The following SOX5 variants were observed in gnomAD, a reference collection of about 807,000 sequenced individuals.
The protein encoded by SOX5 is SRY-box transcription factor 5.
A neutral mutation model predicts 92.0 loss-of-function variants in SOX5; 9 were observed. The observed-to-expected ratio is 0.10, with a 90% CI of 0.06 to 0.17. The LOEUF (loss-of-function observed/expected upper bound fraction) is 0.17. SOX5 is among the 10% of genes least tolerant of loss of function. SOX5 has a pLI of 1.00. For synonymous variants in SOX5, 344 were observed against 336.3 expected, an observed-to-expected ratio of 1.02 and a Z score of -0.25; for missense variants, 642 against 944.5, an observed-to-expected ratio of 0.68 and a Z score of 4.20.
Position 24,440,905 on chromosome 12 carries a change from T to C in SOX5, c.-250-72266A>G, listed in dbSNP as rs147556344. Among the ~76,000 whole-genome samples the C allele has an allele frequency of 3.6e-3, 552 of 152,294 alleles. 1 individual carries two copies. Among genetic ancestry groups the C allele is most frequent in the South Asian group, 8.1e-3 (39 of 4,826 alleles). On this transcript the variant is annotated intron_variant, in intron 1 of 4. Coordinates refer to the SOX5 transcript ENST00000446891. ...AGTAAGCCGAATATAACATGGGATA[T>C]AGGGAAATTATTGGATATCCTGGTG...
chr12:24,323,130 G>A (rs1421309290), intron 2 of SOX5, among the ~76,000 whole-genome samples: 4 of 151,850 alleles, frequency 2.6e-5, no homozygotes, highest in Admixed American at 6.6e-5. Flanking sequence ...TGCACATTTA[G>A]AACCTATGGA....
At chr12:23,662,619 C>G (rs1203120124) in intron 7 of SOX5, among the ~76,000 whole-genome samples, 2 of 152,136 alleles carry the variant, frequency 1.3e-5, no homozygotes, top group Non-Finnish European at 2.9e-5. Flanking sequence ...ATCTTTATGT[C>G]CAACTAAAAG....
At chr12:23,858,732 C>T (rs1320227379) in intron 2 of SOX5, among the ~76,000 whole-genome samples, 1 of 152,140 alleles carries the variant, frequency 6.6e-6, no homozygotes, top group Non-Finnish European at 1.5e-5. Context: ...TCTACAGAAA[C>T]CTGCATGTGA....
At chr12:24,172,872 G>A (rs1954359514) in intron 4 of SOX5, among the ~76,000 whole-genome samples, 1 of 152,162 alleles carries the variant, frequency 6.6e-6, no homozygotes. Flanking sequence ...ATTCCCCAGG[G>A]ACAAGGATGC....
In SOX5 at chr12:23,931,265, T is replaced by C. The variant is rs1387558012; in HGVS notation, c.38+18299A>G. Among the ~76,000 whole-genome samples the C allele has an allele frequency of 2.6e-5, 4 of 151,802 alleles. No individual in the cohort carries two copies. The Admixed American group carries it at 2.6e-4, about 10-fold the overall frequency. The stretch of plus-strand genomic sequence containing the variant: ...TACTATTTATTTAGTGCTTACTATA[T>C]ACGTGGTCCAATTTCAAACAGTTTA... On this transcript the variant is annotated intron_variant, in intron 1 of 14. Coordinates refer to ENST00000451604, the MANE Select transcript of SOX5 (RefSeq NM_006940.6).
intron 1 of SOX5, among the ~76,000 whole-genome samples, chr12:24,547,336 C>T (rs923378182): frequency 3.3e-5 from 5 of 151,518 alleles, no homozygotes; most frequent in East Asian, 1.9e-4. Context: ...GGACTACAGG[C>T]GCCCGCCACC....
At chr12:23,586,549 T>C (rs1038840802) in intron 9 of SOX5, among the ~76,000 whole-genome samples, 1 of 152,140 alleles carries the variant, frequency 6.6e-6, no homozygotes, top group Non-Finnish European at 1.5e-5. Context: ...ACTAAAGTGA[T>C]TGATTCTTGG....
At chr12:24,429,633 C>T (rs1937879471) in intron 1 of SOX5, among the ~76,000 whole-genome samples, 1 of 151,318 alleles carries the variant, frequency 6.6e-6, no homozygotes, top group Non-Finnish European at 1.5e-5. Context: ...CATACACACA[C>T]ACACACACAC....
intron 6 of SOX5, among the ~76,000 whole-genome samples, chr12:23,717,112 T>C (rs1357793256): frequency 3.9e-5 from 6 of 152,192 alleles, no homozygotes; most frequent in Non-Finnish European, 8.8e-5. Flanking sequence ...AGTTATATCA[T>C]TGACTTTCTC....
chr12:24,375,769 T>C (rs1047751077), intron 1 of SOX5, among the ~76,000 whole-genome samples: 6 of 151,310 alleles, frequency 4.0e-5, no homozygotes, highest in Admixed American at 2.0e-4. Context: ...GAATACATTA[T>C]GGAAACAGCT....
At chr12:23,946,691 C>T (rs1325524379) in intron 1 of SOX5, among the ~76,000 whole-genome samples, 1 of 151,824 alleles carries the variant, frequency 6.6e-6, no homozygotes, top group African/African-American at 2.4e-5. Flanking sequence ...CACATTTAGA[C>T]CATGTTGCCA....
intron 4 of SOX5, among the ~76,000 whole-genome samples, chr12:23,964,737 A>T (rs1268445179): frequency 2.0e-5 from 3 of 152,202 alleles, no homozygotes; most frequent in African/African-American, 7.2e-5. Context: ...AGCAGTAATG[A>T]CTTTATTAGA....
intron 6 of SOX5, among the ~76,000 whole-genome samples, chr12:23,717,632 C>G (rs555962422): frequency 1.3e-5 from 2 of 152,232 alleles, no homozygotes; most frequent in East Asian, 3.9e-4. Flanking sequence ...GTGAAAGAGT[C>G]CCTATGAGTA....
At chr12:23,763,637 C>G (rs2094624518) in intron 3 of SOX5, among the ~76,000 whole-genome samples, 1 of 151,540 alleles carries the variant, frequency 6.6e-6, no homozygotes, top group Non-Finnish European at 1.5e-5. Context: ...TACAAAATTG[C>G]TCAATTAATC....
chr12:24,260,395 T>C (rs1293586403), intron 3 of SOX5, among the ~76,000 whole-genome samples: 2 of 152,162 alleles, frequency 1.3e-5, no homozygotes, highest in African/African-American at 4.8e-5. Context: ...TACGATGACT[T>C]AAAAGAGTTA....
chr12:24,487,743 A>G (rs1478638265), intron 1 of SOX5, among the ~76,000 whole-genome samples: 1 of 152,200 alleles, frequency 6.6e-6, no homozygotes, highest in African/African-American at 2.4e-5. Context: ...GAGCTCATTC[A>G]AAGAGGTTGT....
intron 1 of SOX5, among the ~76,000 whole-genome samples, chr12:24,526,005 G>A (rs1199783507): frequency 6.6e-6 from 1 of 151,992 alleles, no homozygotes; most frequent in Non-Finnish European, 1.5e-5. Flanking sequence ...AAAGTAGCTG[G>A]GACCACAAGC....
intron 6 of SOX5, among the ~76,000 whole-genome samples, chr12:23,719,816 T>C (rs1016592742): frequency 2.8e-5 from 3 of 107,884 alleles, no homozygotes; most frequent in Non-Finnish European, 6.0e-5. Flanking sequence ...AAAAAACTGA[T>C]GGATAGTTAT....
intron 4 of SOX5, among the ~76,000 whole-genome samples, chr12:24,142,751 C>T (rs1950707554): frequency 6.6e-6 from 1 of 151,392 alleles, no homozygotes; most frequent in Non-Finnish European, 1.5e-5. Flanking sequence ...CAGACTGTGG[C>T]TTAGGGAAAG....
Sources: allele counts gnomAD v4.1 joint callset (sites outside exome capture counted in the v4.1 genomes callset), GRCh38; gene constraint gnomAD v4.1.1; transcripts MANE v1.5; gene names NCBI Gene and HGNC (gene_info 2026-07-23, HGNC 2026-07-21).